RANBP2: variants seen among roughly 807,000 people sequenced by gnomAD.
RANBP2 encodes the protein E3 SUMO-protein ligase RanBP2.
Under a neutral mutation model 303.6 loss-of-function variants are expected in RANBP2, and 57 were observed. That is an observed-to-expected ratio of 0.19 (90% confidence interval 0.15 to 0.23). The LOEUF (loss-of-function observed/expected upper bound fraction) is 0.23, where lower values mean the gene tolerates loss of function less well. Among genes scored for constraint, RANBP2 ranks in the 10% least tolerant of loss-of-function variants. RANBP2 has a pLI of 1.00. For synonymous variants in RANBP2, 1,167 were observed against 1,301.5 expected, an observed-to-expected ratio of 0.90 and a Z score of 2.23; for missense variants, 3,138 against 3,780.8, an observed-to-expected ratio of 0.83 and a Z score of 4.46.
At chr2:109,065,008 AG>A in the RANBP2 span, among the ~76,000 whole-genome samples, 2 of 152,206 alleles carry the variant, frequency 1.3e-5, no homozygotes, top group African/African-American at 4.8e-5. Flanking sequence ...GGAATATCAT[AG>A]GGATTCATTT....
chr2:108,755,247 A>G lies in RANBP2; in HGVS notation c.2454A>G (p.Val818=), dbSNP rs1405683088. The G allele has an allele frequency of 3.7e-6, 6 of 1,611,974 alleles. No individual in the cohort carries two copies. Among genetic ancestry groups the G allele is most frequent in the South Asian group, 3.3e-5 (3 of 90,988 alleles). ...TACTGAAAATGATTTGCCAACAAGT[A>G]GAGGCCATTAAGGTAAGTCACTTAA... ...NSLLKMICQQ[V]EAIKKEMQEL... is the part of the protein sequence containing the mutation. Residue 818 remains valine, a synonymous_variant, in exon 17 of 29, where the codon GTA becomes GTG. Coordinates refer to ENST00000283195, the MANE Select transcript of RANBP2 (RefSeq NM_006267.5).
chr2:109,602,901 CAAAAAAA>C, the RANBP2 span, among the ~76,000 whole-genome samples: 4 of 110,396 alleles, frequency 3.6e-5, no homozygotes, highest in Non-Finnish European at 7.5e-5. Flanking sequence ...GACCCTGTCT[CAAAAAAA>C]AAAAAAAAAA....
the RANBP2 span, among the ~76,000 whole-genome samples, chr2:108,853,794 G>A: frequency 7.1e-6 from 1 of 141,172 alleles, no homozygotes; most frequent in Admixed American, 7.7e-5. Flanking sequence ...TCAAAGCAGT[G>A]GAGTTACAGG....
At chr2:109,297,716 A>C in the RANBP2 span, among the ~76,000 whole-genome samples, 1 of 132,772 alleles carries the variant, frequency 7.5e-6, no homozygotes, top group Non-Finnish European at 1.6e-5. Context: ...ATGCCCCCCA[A>C]CTGGGTCCGT....
the RANBP2 span, among the ~76,000 whole-genome samples, chr2:109,144,904 G>C: frequency 6.6e-6 from 1 of 152,234 alleles, no homozygotes; most frequent in Non-Finnish European, 1.5e-5. Flanking sequence ...GAGCTGGGGT[G>C]CTGGGGCGGT....
chr2:109,255,136 CTG>C, the RANBP2 span, among the ~76,000 whole-genome samples: 1 of 152,058 alleles, frequency 6.6e-6, no homozygotes, highest in African/African-American at 2.4e-5. Context: ...GTGTGTGTGT[CTG>C]TGTGTGTACA....
chr2:109,362,589 T>C, the RANBP2 span, among the ~76,000 whole-genome samples: 103 of 152,296 alleles, frequency 6.8e-4, no homozygotes, highest in Non-Finnish European at 7.6e-4. Flanking sequence ...AGTAGATTGA[T>C]GGTGCCATTA....
chr2:108,927,596 G>A, the RANBP2 span, among the ~76,000 whole-genome samples: 92,556 of 151,984 alleles, frequency 0.61, 31,904 homozygotes, highest in Middle Eastern at 0.8. Flanking sequence ...GCGAGGTTCC[G>A]TGGTGCACCC....
At chr2:109,300,018 G>T in the RANBP2 span, among the ~76,000 whole-genome samples, 1 of 152,142 alleles carries the variant, frequency 6.6e-6, no homozygotes, top group Admixed American at 6.5e-5. Flanking sequence ...AAACTGGAAG[G>T]CACTGCACAG....
At chr2:108,812,866 A>C in the RANBP2 span, 1 of 1,613,432 alleles carries the variant, frequency 6.2e-7, no homozygotes, top group Non-Finnish European at 8.5e-7. Flanking sequence ...GGAAGTTCCC[A>C]TGCTGTTCAT....
At chr2:108,941,284 T>C in the RANBP2 span, among the ~76,000 whole-genome samples, 1 of 152,194 alleles carries the variant, frequency 6.6e-6, no homozygotes, top group African/African-American at 2.4e-5. Context: ...TTTTGGTTGT[T>C]TTCTGGGCCT....
At chr2:109,284,032 G>A in the RANBP2 span, among the ~76,000 whole-genome samples, 1 of 152,272 alleles carries the variant, frequency 6.6e-6, no homozygotes, top group Admixed American at 6.5e-5. Flanking sequence ...GGGGAGGGTG[G>A]CATTGGGCTG....
chr2:109,089,873 T>C, the RANBP2 span, among the ~76,000 whole-genome samples: 1 of 152,198 alleles, frequency 6.6e-6, no homozygotes, highest in East Asian at 1.9e-4. Flanking sequence ...ATGGGACTAC[T>C]GGGTCTGATT....
the RANBP2 span, among the ~76,000 whole-genome samples, chr2:109,540,454 T>C: frequency 6.6e-6 from 1 of 152,236 alleles, no homozygotes; most frequent in Non-Finnish European, 1.5e-5. Flanking sequence ...TAGGGATGTA[T>C]AGTTGAGAAC....
chr2:109,161,496 T>C, the RANBP2 span, among the ~76,000 whole-genome samples: 1 of 151,392 alleles, frequency 6.6e-6, no homozygotes, highest in African/African-American at 2.5e-5. Flanking sequence ...GTGCATTACA[T>C]ATCGTAAGGC....
chr2:109,728,427 AT>A, the RANBP2 span, among the ~76,000 whole-genome samples: 1 of 152,028 alleles, frequency 6.6e-6, no homozygotes, highest in African/African-American at 2.4e-5. Flanking sequence ...AATACAGTAA[AT>A]AATACTATTT....
the RANBP2 span, chr2:109,616,240 C>A: frequency 5.7e-6 from 6 of 1,055,034 alleles, no homozygotes; most frequent in South Asian, 6.9e-5. Flanking sequence ...AAGTGGATGT[C>A]TTTTTCAGAG....
chr2:109,104,452 G>A, the RANBP2 span, among the ~76,000 whole-genome samples: 5 of 151,996 alleles, frequency 3.3e-5, no homozygotes, highest in African/African-American at 7.2e-5. Context: ...AGCGGTTGAG[G>A]GGAGGGATTA....
the RANBP2 span, among the ~76,000 whole-genome samples, chr2:109,479,905 C>T: frequency 6.6e-6 from 1 of 152,128 alleles, no homozygotes; most frequent in Non-Finnish European, 1.5e-5. Flanking sequence ...CGAGGATCTC[C>T]CTGGAGCTCT....
Sources: gnomAD v4.1 joint callset for allele counts (sites outside exome capture counted in the v4.1 genomes callset) on GRCh38, gnomAD v4.1.1 for gene constraint, MANE v1.5 for transcripts, NCBI Gene and HGNC (gene_info 2026-07-23, HGNC 2026-07-21) for gene names.